SLC8A1: variants seen among roughly 807,000 people sequenced by gnomAD.
SLC8A1 encodes sodium/calcium exchanger 1.
A neutral mutation model predicts 68.3 loss-of-function variants in SLC8A1; 18 were observed. The observed-to-expected ratio is 0.26, with a 90% CI of 0.18 to 0.39. The LOEUF is 0.39. Among genes scored for constraint, SLC8A1 ranks in the 10% least tolerant of loss-of-function variants. The pLI is 1.00. For missense variants in SLC8A1, 985 were observed against 1,156.7 expected, an observed-to-expected ratio of 0.85 and a Z score of 2.15; for synonymous variants, 475 against 415.5, an observed-to-expected ratio of 1.14 and a Z score of -1.74.
At chr2:40,201,843 A>C (rs1331936985) in intron 2 of SLC8A1, among the ~76,000 whole-genome samples, 1 of 152,026 alleles carries the variant, frequency 6.6e-6, no homozygotes, top group Non-Finnish European at 1.5e-5. Flanking sequence ...TAAGGGGGTC[A>C]GGAGGTCATA....
chr2:40,328,321 A>C (rs2076057295), intron 2 of SLC8A1, among the ~76,000 whole-genome samples: 1 of 152,178 alleles, frequency 6.6e-6, no homozygotes, highest in Non-Finnish European at 1.5e-5. Flanking sequence ...TTTGTCCTTG[A>C]AACATCGACT....
intron 2 of SLC8A1, among the ~76,000 whole-genome samples, chr2:40,372,512 C>A (rs10187203): frequency 0.56 from 84,578 of 151,982 alleles, 24,166 homozygotes; most frequent in African/African-American, 0.64. Context: ...TCAAAAACAA[C>A]TGGATTCCAT....
chr2:40,236,733 T>C (rs1224476926), intron 2 of SLC8A1, among the ~76,000 whole-genome samples: 2 of 152,232 alleles, frequency 1.3e-5, no homozygotes, highest in African/African-American at 4.8e-5. Flanking sequence ...TTGCAGCCGC[T>C]GGTACTGGTT....
chr2:40,269,899 G>A (rs576785749), intron 2 of SLC8A1, among the ~76,000 whole-genome samples: 17 of 152,160 alleles, frequency 1.1e-4, no homozygotes, highest in Middle Eastern at 3.4e-3. Context: ...ATAGAAAGGT[G>A]GAGAACTAAA....
chr2:40,502,290 T>C (rs1706103771), intron 1 of SLC8A1, among the ~76,000 whole-genome samples: 1 of 152,078 alleles, frequency 6.6e-6, no homozygotes, highest in African/African-American at 2.4e-5. Flanking sequence ...GCACAATCAT[T>C]TAGCCAGACT....
intron 2 of SLC8A1, among the ~76,000 whole-genome samples, chr2:40,232,599 T>G (rs376992076): frequency 2.3e-5 from 1 of 43,938 alleles, no homozygotes; most frequent in East Asian, 3.5e-4. Flanking sequence ...TTGTATTCTG[T>G]TTTTTTTTTT....
At chr2:40,180,664 G>C (rs758650207) in intron 2 of SLC8A1, among the ~76,000 whole-genome samples, 3 of 152,216 alleles carry the variant, frequency 2.0e-5, no homozygotes, top group Non-Finnish European at 4.4e-5. Context: ...CATTGTGAGA[G>C]TCACGTTGCA....
At chr2:40,353,353 C>G (rs1420106790) in intron 2 of SLC8A1, among the ~76,000 whole-genome samples, 7 of 152,110 alleles carry the variant, frequency 4.6e-5, no homozygotes, top group Non-Finnish European at 1.0e-4. Flanking sequence ...GGGCCCCACC[C>G]TTCTCCATCG....
intron 2 of SLC8A1, among the ~76,000 whole-genome samples, chr2:40,415,729 G>A (rs1022338566): frequency 1.3e-5 from 2 of 151,990 alleles, no homozygotes; most frequent in Non-Finnish European, 2.9e-5. Context: ...TGTTATCCCA[G>A]CACTTTGGGA....
intron 2 of SLC8A1, among the ~76,000 whole-genome samples, chr2:40,237,306 T>G (rs2060528032): frequency 6.6e-6 from 1 of 152,016 alleles, no homozygotes; most frequent in African/African-American, 2.4e-5. Flanking sequence ...GCTCATTTCT[T>G]TTTATTCTTT....
chr2:40,103,876 TA>T (rs765171772), exon 8 of SLC8A1: 1 of 152,202 alleles, frequency 6.6e-6, no homozygotes, highest in Non-Finnish European at 1.5e-5. Context: ...GGTGACCCAA[TA>T]TGGGCAGCAG....
At chr2:40,350,146 A>G (rs771483259) in intron 2 of SLC8A1, among the ~76,000 whole-genome samples, 1 of 152,140 alleles carries the variant, frequency 6.6e-6, no homozygotes, top group South Asian at 2.1e-4. Flanking sequence ...TTTAAAATCC[A>G]TTTGATCTAA....
chr2:40,510,027 T>A (rs1576691424), intron 1 of SLC8A1, among the ~76,000 whole-genome samples: 1 of 152,078 alleles, frequency 6.6e-6, no homozygotes, highest in Non-Finnish European at 1.5e-5. Flanking sequence ...CGGGTTTCAC[T>A]ATGTTGGCCA....
At chr2:40,160,698 C>T (rs998600073) in intron 6 of SLC8A1, 67 bp downstream of exon 9, 3 of 1,391,530 alleles carry the variant, frequency 2.2e-6, no homozygotes, top group Non-Finnish European at 3.1e-6. Context: ...GACCAAGTAG[C>T]CACAGTAGGA....
chr2:40,101,846 A>G (rs527944934), exon 8 of SLC8A1: 2 of 152,176 alleles, frequency 1.3e-5, no homozygotes, highest in South Asian at 4.2e-4. Flanking sequence ...TCACTCCAAA[A>G]TTTTTGATTC....
chr2:40,109,271 G>C (rs2125047828), exon 8 of SLC8A1: 1 of 152,174 alleles, frequency 6.6e-6, no homozygotes, highest in East Asian at 1.9e-4. Flanking sequence ...AGGCATGGAA[G>C]CTATCTGTTA....
intron 2 of SLC8A1, among the ~76,000 whole-genome samples, chr2:40,203,135 C>G (rs1283888711): frequency 2.6e-5 from 4 of 151,946 alleles, no homozygotes; most frequent in African/African-American, 7.2e-5. Context: ...TTCTCACCAA[C>G]TGGCTAATGC....
intron 6 of SLC8A1, among the ~76,000 whole-genome samples, chr2:40,140,316 G>C (rs2041303873): frequency 6.6e-6 from 1 of 152,108 alleles, no homozygotes; most frequent in African/African-American, 2.4e-5. Context: ...TTGTTCTTTA[G>C]AACTAAATGT....
intron 2 of SLC8A1, among the ~76,000 whole-genome samples, chr2:40,419,450 T>G (rs549603691): frequency 6.6e-6 from 1 of 152,216 alleles, no homozygotes; most frequent in Admixed American, 6.5e-5. Flanking sequence ...ATATTCTGTC[T>G]CTGTCCCTCT....
Sources: gnomAD v4.1 joint callset for allele counts (sites outside exome capture counted in the v4.1 genomes callset) on GRCh38, gnomAD v4.1.1 for gene constraint, MANE v1.5 for transcripts, NCBI Gene and HGNC (gene_info 2026-07-23, HGNC 2026-07-21) for gene names.